Variants in TMEM245 observed in about 807,000 individuals in gnomAD.
TMEM245 encodes protein CG-2.
A neutral mutation model predicts 101.2 loss-of-function variants in TMEM245; 69 were observed. The observed-to-expected ratio is 0.68, with a 90% CI of 0.56 to 0.83. The LOEUF (loss-of-function observed/expected upper bound fraction) is 0.83. Among genes scored for constraint, TMEM245 ranks in the 40% least tolerant of loss-of-function variants. The pLI, the probability that TMEM245 is intolerant of heterozygous loss-of-function variation, is 0.00. For missense variants in TMEM245, 1,075 were observed against 1,092.8 expected, an observed-to-expected ratio of 0.98 and a Z score of 0.23; for synonymous variants, 537 against 449.8, an observed-to-expected ratio of 1.19 and a Z score of -2.45.
intron 17 of TMEM245, among the ~76,000 whole-genome samples, chr9:109,023,265 T>A (rs1827686882): frequency 6.6e-6 from 1 of 152,170 alleles, no homozygotes; most frequent in Admixed American, 6.5e-5. Context: ...GTAACACTGA[T>A]CTTGAACAAA....
chr9:109,049,726 C>T (rs1828615172), intron 14 of TMEM245, among the ~76,000 whole-genome samples: 2 of 152,094 alleles, frequency 1.3e-5, no homozygotes, highest in Non-Finnish European at 2.9e-5. Context: ...ACTTGGGAGG[C>T]TAAAGCAGGA....
intron 9 of TMEM245, among the ~76,000 whole-genome samples, chr9:109,068,961 C>A (rs958040527): frequency 6.6e-5 from 10 of 152,218 alleles, no homozygotes; most frequent in African/African-American, 2.2e-4. Flanking sequence ...TGATAGCTGA[C>A]ATGAAGCTAC....
intron 11 of TMEM245, among the ~76,000 whole-genome samples, chr9:109,059,525 C>T (rs1443581564): frequency 6.6e-6 from 1 of 151,704 alleles, no homozygotes; most frequent in Non-Finnish European, 1.5e-5. Context: ...ACAAAAAATA[C>T]AAAAAAATTC....
intron 8 of TMEM245, among the ~76,000 whole-genome samples, chr9:109,077,975 T>G (rs1829560128): frequency 6.6e-6 from 1 of 152,312 alleles, no homozygotes; most frequent in Non-Finnish European, 1.5e-5. Flanking sequence ...TTGTCCCATC[T>G]CTATTGGTCC....
chr9:109,052,242 C>T (rs760029776), intron 12 of TMEM245, among the ~76,000 whole-genome samples: 1 of 152,202 alleles, frequency 6.6e-6, no homozygotes, highest in Non-Finnish European at 1.5e-5. Flanking sequence ...TTCTAAAATG[C>T]TTCCATAGAC....
At chr9:109,111,003 C>G (rs1490958333) in intron 1 of TMEM245, among the ~76,000 whole-genome samples, 1 of 151,816 alleles carries the variant, frequency 6.6e-6, no homozygotes, top group Non-Finnish European at 1.5e-5. Context: ...TACCAAACCA[C>G]ACAACAAAAT....
At chr9:109,038,369 A>C (rs2132333294) in intron 14 of TMEM245, 1 of 292,518 alleles carries the variant, frequency 3.4e-6, no homozygotes, top group Admixed American at 5.1e-5. Flanking sequence ...ATTTCTGATG[A>C]AAAAATAACT....
At position 109,094,675 on chromosome 9, in the gene TMEM245, T is replaced by C. The variant is rs148167384; in HGVS notation, c.800-1084A>G. On this transcript the variant is annotated intron_variant, in intron 3 of 17. Coordinates refer to ENST00000374586, the MANE Select transcript of TMEM245 (RefSeq NM_032012.4). ...ATTAATTGTCTGGTCTTTCCAGAAA[T>C]TCCATGTGCAAAAATTGTAAATGCT... Among the ~76,000 whole-genome samples, 418 of 152,284 alleles carry C rather than the reference T, an allele frequency of 2.7e-3. 1 individual carries two copies. Among genetic ancestry groups the C allele is most frequent in the Middle Eastern group, 6.8e-3 (2 of 294 alleles).
chr9:109,097,167 G>GT (rs1830163521), intron 3 of TMEM245, among the ~76,000 whole-genome samples: 2 of 152,210 alleles, frequency 1.3e-5, no homozygotes, highest in Admixed American at 1.3e-4. Flanking sequence ...AAGTAAGCTA[G>GT]ATAAAGAAGA....
chr9:109,096,904 T>C (rs1242545724), intron 3 of TMEM245, among the ~76,000 whole-genome samples: 1 of 152,254 alleles, frequency 6.6e-6, no homozygotes, highest in East Asian at 1.9e-4. Flanking sequence ...TTCAGCTGCA[T>C]TTTATCTTAC....
intron 3 of TMEM245, among the ~76,000 whole-genome samples, chr9:109,101,707 G>A (rs758166785): frequency 2.6e-5 from 4 of 152,168 alleles, no homozygotes; most frequent in Admixed American, 6.5e-5. Flanking sequence ...TTTATTCTGT[G>A]TGTCTGTGAT....
At chr9:109,036,449 A>T (rs1828125408) in intron 15 of TMEM245, 69 bp from the exon 16 acceptor site, 7 of 1,398,910 alleles carry the variant, frequency 5.0e-6, no homozygotes, top group Non-Finnish European at 6.6e-6. Flanking sequence ...AAAGAATCTA[A>T]GCAGTAGCTC....
rs753369168 is a variant in TMEM245 at position 109,036,383 on chromosome 9, G to GA, written c.2225-4dup. On this transcript the variant is annotated splice_polypyrimidine_tract_variant and splice_region_variant and intron_variant, in intron 15 of 17. Coordinates refer to ENST00000374586, the MANE Select transcript of TMEM245 (RefSeq NM_032012.4). The stretch of plus-strand genomic sequence containing the variant: ...TGCTCCAAGGATTGCTGCTAATGCT[G>GA]AAAAAAGAGTAAAAGAAAAACAACT... The GA allele has an allele frequency of 3.1e-5, 48 of 1,568,374 alleles. No individual in the cohort carries two copies. Among genetic ancestry groups the GA allele is most frequent in the Non-Finnish European group, 3.7e-5 (43 of 1,164,096 alleles).
intron 5 of TMEM245, among the ~76,000 whole-genome samples, chr9:109,090,616 C>T (rs1382048110): frequency 4.0e-5 from 6 of 150,398 alleles, no homozygotes; most frequent in East Asian, 2.0e-4. Flanking sequence ...CCCAGCTACT[C>T]GGGAGGCTGA....
intron 1 of TMEM245, among the ~76,000 whole-genome samples, chr9:109,114,111 A>C (rs1306010431): frequency 6.6e-6 from 1 of 152,036 alleles, no homozygotes; most frequent in Non-Finnish European, 1.5e-5. Context: ...CACAACTACA[A>C]ACCTCCTCCC....
At chr9:109,083,916 A>AAAAAAAAAAAAAAAAAAAAC (rs1554725101) in intron 7 of TMEM245, among the ~76,000 whole-genome samples, 4 of 132,586 alleles carry the variant, frequency 3.0e-5, no homozygotes, top group East Asian at 5.1e-4. Context: ...AAAAAAAAAA[A>AAAAAAAAAAAAAAAAAAAAC]AAAAAAAAAA....
intron 4 of TMEM245, among the ~76,000 whole-genome samples, chr9:109,092,739 C>T (rs946078506): frequency 2.6e-5 from 4 of 152,184 alleles, no homozygotes; most frequent in Admixed American, 6.5e-5. Flanking sequence ...GATCTCTCAG[C>T]ACAGACTAAG....
At chr9:109,112,541 C>CA (rs533252943) in intron 1 of TMEM245, among the ~76,000 whole-genome samples, 26,982 of 106,300 alleles carry the variant, frequency 0.25, 2,985 homozygotes, top group African/African-American at 0.36. Flanking sequence ...AACTCCATCT[C>CA]AAAAAAAAAA....
In TMEM245 at chr9:109,018,691, T is replaced by C. The variant is rs1827524092; in HGVS notation, c.*1769A>G. ...AATTATTAATATTTCTACCTTTAAATACTTTCCAAAAAGGAAATCTTCAAC... is the reference window on the plus strand; with the variant it reads ...AATTATTAATATTTCTACCTTTAAACACTTTCCAAAAAGGAAATCTTCAAC... On this transcript the variant is annotated 3_prime_UTR_variant, in exon 18 of 18. Transcript: ENST00000374586. 1 of 152,070 alleles carries C rather than the reference T, an allele frequency of 6.6e-6. No homozygotes were observed. The highest frequency in any genetic ancestry group is 1.5e-5 in the Non-Finnish European group (1 of 68,020). The allele number at this position is 152,070 out of a possible 1,614,324, so 9.4% of individuals were successfully genotyped here.
Sources: gnomAD v4.1 joint callset for allele counts (sites outside exome capture counted in the v4.1 genomes callset) on GRCh38, gnomAD v4.1.1 for gene constraint, MANE v1.5 for transcripts, NCBI Gene and HGNC (gene_info 2026-07-23, HGNC 2026-07-21) for gene names.